GRK5: variants seen among roughly 807,000 people sequenced by gnomAD.
GRK5 encodes g protein-coupled receptor kinase GRK5.
Under a neutral mutation model 78.4 loss-of-function variants are expected in GRK5, and 40 were observed. The ratio of observed to expected loss-of-function variants is 0.51; its 90% CI spans 0.40 to 0.66. GRK5 has a LOEUF of 0.66. GRK5 is among the 30% of genes least tolerant of loss of function. GRK5 has a pLI of 0.00. For synonymous variants in GRK5, 289 were observed against 296.8 expected, an observed-to-expected ratio of 0.97 and a Z score of 0.27; for missense variants, 598 against 759.9, an observed-to-expected ratio of 0.79 and a Z score of 2.50.
intron 1 of GRK5, among the ~76,000 whole-genome samples, chr10:119,237,767 C>T (rs967745226): frequency 2.0e-5 from 3 of 152,064 alleles, no homozygotes; most frequent in Non-Finnish European, 4.4e-5. Context: ...TTCCCCACTC[C>T]CCATGGGAAC....
intron 4 of GRK5, among the ~76,000 whole-genome samples, chr10:119,406,027 G>A (rs1278998154): frequency 1.3e-5 from 2 of 152,204 alleles, no homozygotes; most frequent in Non-Finnish European, 2.9e-5. Flanking sequence ...TTCTGAGCCT[G>A]AAGGCTTTGT....
intron 1 of GRK5, among the ~76,000 whole-genome samples, chr10:119,219,610 G>A (rs1322562809): frequency 1.3e-5 from 2 of 152,268 alleles, no homozygotes; most frequent in African/African-American, 2.4e-5. Flanking sequence ...ATTAGGATAC[G>A]ATTCAACATG....
At chr10:119,323,554 C>A (rs570669358) in intron 1 of GRK5, among the ~76,000 whole-genome samples, 1 of 152,126 alleles carries the variant, frequency 6.6e-6, no homozygotes, top group Admixed American at 6.6e-5. Context: ...ATGAGGGCTG[C>A]GGCTAGATGA....
At chr10:119,230,460 C>T (rs1406384215) in intron 1 of GRK5, among the ~76,000 whole-genome samples, 1 of 152,044 alleles carries the variant, frequency 6.6e-6, no homozygotes, top group Non-Finnish European at 1.5e-5. Flanking sequence ...CAAAGTCACG[C>T]CTTAGGATGG....
intron 1 of GRK5, among the ~76,000 whole-genome samples, chr10:119,211,986 T>G (rs1040559706): frequency 6.6e-6 from 1 of 152,370 alleles, no homozygotes; most frequent in South Asian, 2.1e-4. Context: ...AGCCCTCTTA[T>G]GGCTATGTGA....
At chr10:119,278,618 C>T (rs185975772) in intron 1 of GRK5, among the ~76,000 whole-genome samples, 3 of 152,272 alleles carry the variant, frequency 2.0e-5, no homozygotes, top group Admixed American at 1.3e-4. Flanking sequence ...TCTTTCCTCT[C>T]CCTCCTCTTT....
intron 1 of GRK5, among the ~76,000 whole-genome samples, chr10:119,259,529 T>C (rs576705914): frequency 1.3e-5 from 2 of 152,376 alleles, no homozygotes; most frequent in East Asian, 1.9e-4. Flanking sequence ...TGCTTTTCTC[T>C]TGGACAGAGC....
chr10:119,363,549 TG>T (rs1851398532), intron 2 of GRK5, among the ~76,000 whole-genome samples: 1 of 152,144 alleles, frequency 6.6e-6, no homozygotes, highest in African/African-American at 2.4e-5. Flanking sequence ...GGAACAGTGC[TG>T]GGGTTGGGGT....
Position 119,289,158 on chromosome 10 carries a change from T to C in GRK5, c.53-37358T>C, listed in dbSNP as rs573921558. On this transcript the variant is annotated intron_variant, in intron 1 of 15. Transcript: ENST00000392870. Reference sequence around the variant, plus strand: ...TTTTTTTTATTTAAAAAAGAAAGGCTTTGGGGGATGGGGAGAATAAAGATT... The same window carrying C: ...TTTTTTTTATTTAAAAAAGAAAGGCCTTGGGGGATGGGGAGAATAAAGATT... Among the ~76,000 whole-genome samples the C allele has an allele frequency of 2.0e-5, 3 of 152,286 alleles. No individual in the cohort carries two copies. In the East Asian group the frequency reaches 5.8e-4, roughly 29 times the overall value.
chr10:119,230,449 G>A (rs1848806974), intron 1 of GRK5, among the ~76,000 whole-genome samples: 1 of 152,132 alleles, frequency 6.6e-6, no homozygotes, highest in Non-Finnish European at 1.5e-5. Context: ...GCAAGGAAGA[G>A]CAAAGTCACG....
At chr10:119,307,016 G>C (rs998993305) in intron 1 of GRK5, among the ~76,000 whole-genome samples, 1 of 152,132 alleles carries the variant, frequency 6.6e-6, no homozygotes, top group Non-Finnish European at 1.5e-5. Flanking sequence ...GATCAGCAAG[G>C]TTCCTCTCAG....
At chr10:119,244,682 T>C (rs909863588) in intron 1 of GRK5, among the ~76,000 whole-genome samples, 20 of 152,138 alleles carry the variant, frequency 1.3e-4, no homozygotes, top group Admixed American at 1.3e-3. Flanking sequence ...TGCAGTGAGC[T>C]GTGATTGCAA....
intron 1 of GRK5, among the ~76,000 whole-genome samples, chr10:119,216,769 G>C (rs555359764): frequency 6.6e-6 from 1 of 152,104 alleles, no homozygotes; most frequent in South Asian, 2.1e-4. Context: ...CCTGACCACC[G>C]TGGTGAAAAC....
At chr10:119,339,970 C>G (rs1850956728) in intron 2 of GRK5, among the ~76,000 whole-genome samples, 2 of 152,184 alleles carry the variant, frequency 1.3e-5, no homozygotes, top group African/African-American at 4.8e-5. Flanking sequence ...GCATGAGCTA[C>G]TGTTGGCTGC....
At chr10:119,357,750 G>A (rs1321838365) in intron 2 of GRK5, among the ~76,000 whole-genome samples, 1 of 152,068 alleles carries the variant, frequency 6.6e-6, no homozygotes, top group African/African-American at 2.4e-5. Flanking sequence ...TTGTTCTGCT[G>A]CCTGCATTCT....
At chr10:119,289,926 T>A (rs1849919978) in intron 1 of GRK5, among the ~76,000 whole-genome samples, 1 of 152,074 alleles carries the variant, frequency 6.6e-6, no homozygotes, top group Non-Finnish European at 1.5e-5. Flanking sequence ...ATTTAAAACT[T>A]TATGGTCAGC....
intron 1 of GRK5, among the ~76,000 whole-genome samples, chr10:119,281,069 C>T (rs1018593219): frequency 8.6e-5 from 13 of 152,024 alleles, no homozygotes; most frequent in Admixed American, 2.6e-4. Flanking sequence ...TGAACCACCA[C>T]GCCCATCTGA....
intron 3 of GRK5, among the ~76,000 whole-genome samples, chr10:119,381,937 T>C (rs1440431933): frequency 1.3e-5 from 2 of 152,208 alleles, no homozygotes; most frequent in Non-Finnish European, 2.9e-5. Context: ...AATTGCCCAC[T>C]GGACATCTCC....
chr10:119,270,133 G>T (rs1417554115), intron 1 of GRK5, among the ~76,000 whole-genome samples: 1 of 152,208 alleles, frequency 6.6e-6, no homozygotes, highest in Non-Finnish European at 1.5e-5. Flanking sequence ...CCTGTTATTT[G>T]CATCCTAACT....
Sources: allele counts gnomAD v4.1 joint callset (sites outside exome capture counted in the v4.1 genomes callset), GRCh38; gene constraint gnomAD v4.1.1; transcripts MANE v1.5; gene names NCBI Gene and HGNC (gene_info 2026-07-23, HGNC 2026-07-21).